The following NCKAP1 variants were observed in gnomAD, a reference collection of about 807,000 sequenced individuals.
NCKAP1 encodes NCK associated protein 1.
Under a neutral mutation model 151.2 loss-of-function variants are expected in NCKAP1, and 21 were observed. The observed-to-expected ratio is 0.14, with a 90% CI of 0.10 to 0.20. NCKAP1 has a LOEUF of 0.20. NCKAP1 is among the 10% of genes least tolerant of loss of function. The probability of loss-of-function intolerance (pLI) is 1.00; values close to 1 mark genes in which losing one functional copy is unlikely to be tolerated. For synonymous variants in NCKAP1, 484 were observed against 451.8 expected (o/e 1.07, Z -0.90); for missense variants, 933 against 1,352.1 (o/e 0.69, Z 4.86).
intron 2 of NCKAP1, among the ~76,000 whole-genome samples, chr2:183,019,747 T>G (rs1430634548): frequency 6.6e-6 from 1 of 152,224 alleles, no homozygotes; most frequent in African/African-American, 2.4e-5. Flanking sequence ...TTTATTCATT[T>G]TGAATTTCAT....
chr2:182,928,720 T>G, intron 28 of NCKAP1, 63 bp downstream of exon 28: 1 of 1,154,744 alleles, frequency 8.7e-7, no homozygotes, highest in Non-Finnish European at 1.2e-6. Flanking sequence ...AACTCATATT[T>G]TATTATAAAA....
At chr2:182,950,425 G>GA (rs899939685) in intron 23 of NCKAP1, among the ~76,000 whole-genome samples, 1 of 151,450 alleles carries the variant, frequency 6.6e-6, no homozygotes, top group Non-Finnish European at 1.5e-5. Flanking sequence ...AGGAACACAA[G>GA]AAAAAAAATT....
chr2:183,024,946 C>G, intron 1 of NCKAP1: 1 of 1,610,092 alleles, frequency 6.2e-7, no homozygotes, highest in Non-Finnish European at 8.5e-7. Flanking sequence ...AGCGGGCAAG[C>G]GGGCAGAGGG....
intron 6 of NCKAP1, among the ~76,000 whole-genome samples, chr2:182,996,521 G>A (rs1052383373): frequency 6.6e-5 from 10 of 151,938 alleles, no homozygotes; most frequent in East Asian, 3.9e-4. Context: ...GCAGTGGTGC[G>A]ATCTCAGCTC....
rs969303641 is a variant in NCKAP1 at position 183,034,365 on chromosome 2, T to C, written c.108+3627A>G. ...ACCACAATACTCCACTTTAAAAAGT[T>C]TGTAATAGTTGTATGGGTTTTTTTT... On this transcript the variant is annotated intron_variant, in intron 1 of 30. Transcript: ENST00000361354. Among the ~76,000 whole-genome samples, 5 of 139,250 alleles carry C rather than the reference T, an allele frequency of 3.6e-5. No individual in the cohort carries two copies. In the Middle Eastern group the frequency reaches 0.011, roughly 312 times the overall value. 91.4% of individuals were successfully genotyped at this position (139,250 alleles called of 152,430 possible).
At chr2:182,993,502 C>G (rs1020232926) in intron 8 of NCKAP1, among the ~76,000 whole-genome samples, 7 of 152,128 alleles carry the variant, frequency 4.6e-5, no homozygotes, top group African/African-American at 1.7e-4. Flanking sequence ...CAGAAATTCT[C>G]ATTCTGTATT....
At chr2:182,934,953 C>A in intron 25 of NCKAP1, 121 bp from the exon 26 acceptor site, 1 of 572,480 alleles carries the variant, frequency 1.7e-6, no homozygotes. Context: ...TATCTACTTT[C>A]AGTGATTTTT....
intron 15 of NCKAP1, 112 bp from the exon 16 acceptor site, chr2:182,967,473 C>T: frequency 1.1e-6 from 1 of 940,532 alleles, no homozygotes; most frequent in South Asian, 1.5e-5. Flanking sequence ...TCTACTGTGA[C>T]ACTGACAGTA....
At chr2:182,966,424 C>T (rs1273682697) in intron 16 of NCKAP1, among the ~76,000 whole-genome samples, 16 of 151,900 alleles carry the variant, frequency 1.1e-4, no homozygotes, top group Admixed American at 9.8e-4. Context: ...GTAGCTGGGA[C>T]TACAGGCACA....
intron 22 of NCKAP1, 115 bp downstream of exon 22, chr2:182,952,678 T>C (rs1697238147): frequency 3.4e-6 from 4 of 1,185,434 alleles, no homozygotes; most frequent in South Asian, 1.6e-5. Flanking sequence ...AATATGCAGT[T>C]ACGCATATAA....
chr2:182,974,149 G>A, intron 15 of NCKAP1, among the ~76,000 whole-genome samples: 1 of 151,152 alleles, frequency 6.6e-6, no homozygotes, highest in South Asian at 2.1e-4. Flanking sequence ...CTAGATTCTG[G>A]ACCCTGCCTG....
intron 14 of NCKAP1, 95 bp downstream of exon 14, chr2:182,978,739 T>A: frequency 3.0e-6 from 2 of 660,184 alleles, no homozygotes; most frequent in East Asian, 3.2e-5. Flanking sequence ...AGATAATAGA[T>A]CATTAGCCAA....
At chr2:182,962,818 AG>A (rs1271204143) in intron 17 of NCKAP1, among the ~76,000 whole-genome samples, 12 of 150,132 alleles carry the variant, frequency 8.0e-5, no homozygotes, top group South Asian at 2.1e-4. Context: ...TATTGCTCCC[AG>A]GAAGAAAAAA....
In NCKAP1 at chr2:182,910,228, T is replaced by G. The variant is rs1018092855; in HGVS notation, c.*15474A>C. The G allele has an allele frequency of 4.6e-5, 7 of 152,206 alleles. No homozygotes were observed. Among genetic ancestry groups the G allele is most frequent in the Non-Finnish European group, 1.0e-4 (7 of 68,044 alleles). The allele number at this position is 152,206 out of a possible 1,614,324, so 9.4% of individuals were successfully genotyped here. ...ACTCTACATCATTTTGGAGTCCAAG[T>G]AAACCTGCTGTGGGACAACCCTTGC... is the stretch of plus-strand genomic sequence containing the variant. On this transcript the variant is annotated 3_prime_UTR_variant, in exon 31 of 31. Coordinates refer to ENST00000361354, the MANE Select transcript of NCKAP1 (RefSeq NM_013436.5).
Position 182,922,203 on chromosome 2 carries a change from G to A in NCKAP1, c.*3499C>T, listed in dbSNP as rs551629987. ...CAAGTCCTTATAACAGAATGGGCAT[G>A]GATCATGTACTAATCAGTAGGTTAC... is the stretch of plus-strand genomic sequence containing the variant. On this transcript the variant is annotated 3_prime_UTR_variant, in exon 31 of 31. Coordinates refer to ENST00000361354, the MANE Select transcript of NCKAP1 (RefSeq NM_013436.5). 7 of 152,306 alleles carry A rather than the reference G, an allele frequency of 4.6e-5. No individual in the cohort carries two copies. The East Asian group carries it at 1.4e-3, about 29-fold the overall frequency. The allele number at this position is 152,306 out of a possible 1,614,324, so 9.4% of individuals were successfully genotyped here. A position where few individuals can be genotyped will look rare whatever the true frequency, so the allele number is the denominator to read the frequency against.
intron 29 of NCKAP1, 103 bp from the exon 30 acceptor site, chr2:182,927,008 G>A (rs1696661875): frequency 1.4e-6 from 1 of 718,308 alleles, no homozygotes; most frequent in Non-Finnish European, 2.3e-6. Flanking sequence ...ATCATTCAGT[G>A]CTAAATATAA....
intron 2 of NCKAP1, among the ~76,000 whole-genome samples, chr2:183,015,896 T>C (rs1698678409): frequency 1.3e-5 from 2 of 149,454 alleles, no homozygotes; most frequent in East Asian, 2.0e-4. Flanking sequence ...AAAAACTATA[T>C]TAAAGTTAAA....
chr2:182,953,058 T>C, intron 21 of NCKAP1, 55 bp downstream of exon 21: 1 of 1,517,342 alleles, frequency 6.6e-7, no homozygotes, highest in Non-Finnish European at 8.9e-7. Flanking sequence ...TTAATTTTCC[T>C]AAGTACTTCA....
rs541001042 is a variant in NCKAP1 at position 183,002,229 on chromosome 2, A to C, written c.410T>G (p.Ile137Ser). The C allele has an allele frequency of 1.3e-6, 2 of 1,568,986 alleles. No individual in the cohort carries two copies. Among genetic ancestry groups the C allele is most frequent in the Admixed American group, 1.7e-5 (1 of 58,910 alleles). ...FDLTKNYLDLIITYTTLMILL... is the reference protein window; with the variant it reads ...FDLTKNYLDLSITYTTLMILL... ...TATCATTAGTGTTGTATAGGTTATA[A>C]TTAAATCTAAGTAGTTCTTTGTTAA... is the stretch of plus-strand genomic sequence containing the variant. Residue 137 changes from isoleucine (I) to serine (S), a missense_variant, in exon 5 of 31, where the codon ATT (isoleucine) becomes AGT (serine). Coordinates refer to ENST00000361354, the MANE Select transcript of NCKAP1 (RefSeq NM_013436.5).
Sources: allele counts gnomAD v4.1 joint callset (sites outside exome capture counted in the v4.1 genomes callset), GRCh38; gene constraint gnomAD v4.1.1; transcripts MANE v1.5; gene names NCBI Gene and HGNC (gene_info 2026-07-23, HGNC 2026-07-21).